VPS52: variants seen among roughly 807,000 people sequenced by gnomAD.
VPS52 encodes vacuolar protein sorting-associated protein 52 homolog.
VPS52 carries 56 observed loss-of-function variants against 98.7 expected under a neutral mutation model. The observed-to-expected ratio is 0.57, with a 90% CI of 0.46 to 0.71. The LOEUF is 0.71. VPS52 is among the 30% of genes least tolerant of loss of function. The probability of loss-of-function intolerance (pLI) is 0.00; values close to 1 mark genes in which losing one functional copy is unlikely to be tolerated. For synonymous variants in VPS52, 348 were observed against 346.4 expected, an observed-to-expected ratio of 1.00 and a Z score of -0.05; for missense variants, 742 against 925.9, an observed-to-expected ratio of 0.80 and a Z score of 2.58.
chr6:33,253,456 C>CTCCA (rs1762554618), intron 17 of VPS52, among the ~76,000 whole-genome samples: 1 of 147,566 alleles, frequency 6.8e-6, no homozygotes, highest in Non-Finnish European at 1.5e-5. Context: ...GGCCATTGCA[C>CTCCA]TCCAGCCTGG....
intron 17 of VPS52, among the ~76,000 whole-genome samples, chr6:33,258,362 G>A (rs535336971): frequency 3.1e-4 from 44 of 141,164 alleles, no homozygotes; most frequent in South Asian, 1.1e-3. Flanking sequence ...CTCCAGCCTC[G>A]GCAACATGAG....
At chr6:33,264,948 G>A in intron 12 of VPS52, 48 bp from the exon 13 acceptor site, 1 of 1,488,574 alleles carries the variant, frequency 6.7e-7, no homozygotes, top group Non-Finnish European at 9.4e-7. Context: ...ATGTCAGTTT[G>A]TTGTCCTCAG....
chr6:33,267,322 G>C lies in VPS52; in HGVS notation c.992-1C>G. On this transcript the variant is annotated splice_acceptor_variant, in intron 10 of 19. Coordinates refer to ENST00000445902, the MANE Select transcript of VPS52 (RefSeq NM_022553.6). LOFTEE classifies it high-confidence loss of function. This position sits in a 1 kb window ranked among gnomAD's most constrained non-coding sequence, Gnocchi z 4.2. The stretch of plus-strand genomic sequence containing the variant: ...CGGAGCGATGGCTTTGAGAAGAATC[G>C]TAAGATGGGTCAGAGTCAGGGAAAA... The C allele has an allele frequency of 1.9e-6, 3 of 1,577,280 alleles. No individual in the cohort carries two copies. The highest frequency in any genetic ancestry group is 2.3e-5 in the East Asian group (1 of 44,222).
In VPS52 at chr6:33,268,098, G is replaced by C. The variant is rs1391885357; in HGVS notation, c.800+10C>G. 1 of 1,612,928 alleles carries C rather than the reference G, an allele frequency of 6.2e-7. No individual in the cohort carries two copies. The highest frequency in any genetic ancestry group is 8.5e-7 in the Non-Finnish European group (1 of 1,180,026). ...AAAGGCCATCCCATGCACTTCCTTG[G>C]GGTTGTGACCTGTACTTCAGCAGGG... is the stretch of plus-strand genomic sequence containing the variant. On this transcript the variant is annotated intron_variant, in intron 8 of 19. Coordinates refer to ENST00000445902, the MANE Select transcript of VPS52 (RefSeq NM_022553.6). This position sits in a 1 kb window ranked among gnomAD's most constrained non-coding sequence, Gnocchi z 4.0.
intron 17 of VPS52, among the ~76,000 whole-genome samples, chr6:33,253,088 ACTC>A (rs1762496457): frequency 6.6e-6 from 1 of 152,202 alleles, no homozygotes; most frequent in Non-Finnish European, 1.5e-5. Flanking sequence ...TGACTCAATA[ACTC>A]AGTTTCTTCC....
chr6:33,256,063 A>G (rs1276395074), intron 17 of VPS52, among the ~76,000 whole-genome samples: 1 of 152,210 alleles, frequency 6.6e-6, no homozygotes, highest in Non-Finnish European at 1.5e-5. Flanking sequence ...AAGATGTTAA[A>G]GACAAAAAAC....
Position 33,268,250 on chromosome 6 carries a change from C to T in VPS52, c.700-42G>A. ...AAACACAGGGCATGAAGCTGCAACC[C>T]TTTTGCTGTATGAGAGGAACTGGGG... On this transcript the variant is annotated intron_variant, in intron 7 of 19. Coordinates refer to ENST00000445902, the MANE Select transcript of VPS52 (RefSeq NM_022553.6). The surrounding 1 kb of genome is among the most constrained non-coding windows in gnomAD (Gnocchi z 4.0). 6.2e-7 allele frequency: 1 copy of T among 1,600,502 alleles called. No homozygotes were observed. Among genetic ancestry groups the T allele is most frequent in the Non-Finnish European group, 8.6e-7 (1 of 1,169,010 alleles).
intron 17 of VPS52, among the ~76,000 whole-genome samples, chr6:33,260,398 T>C (rs2150820495): frequency 6.6e-6 from 1 of 152,038 alleles, no homozygotes; most frequent in East Asian, 1.9e-4. Context: ...TTGCCTTGTC[T>C]CATCAGTGTT....
In VPS52 at chr6:33,268,662, G is replaced by A; in HGVS notation, c.549-13C>T. On this transcript the variant is annotated splice_polypyrimidine_tract_variant and intron_variant, in intron 6 of 19. Coordinates refer to ENST00000445902, the MANE Select transcript of VPS52 (RefSeq NM_022553.6). This position sits in a 1 kb window ranked among gnomAD's most constrained non-coding sequence, Gnocchi z 4.0. ...CTCCAGAATTGCCCTGGTTAGCAGG[G>A]AGGGGTGGGATGAGTTACAAGGGAG... 6.3e-7 allele frequency: 1 copy of A among 1,590,348 alleles called. No homozygotes were observed. Among genetic ancestry groups the A allele is most frequent in the African/African-American group, 1.3e-5 (1 of 74,580 alleles).
Position 33,267,458 on chromosome 6 carries a change from C to G in VPS52, c.992-137G>C. ...GTACTAGGGCCCCACGTGCTGACAT[C>G]TGTGAATGGGCTTCAGGGTGTCTCT... On this transcript the variant is annotated intron_variant, in intron 10 of 19. Coordinates refer to ENST00000445902, the MANE Select transcript of VPS52 (RefSeq NM_022553.6). This position sits in a 1 kb window ranked among gnomAD's most constrained non-coding sequence, Gnocchi z 4.2. 7.2e-7 allele frequency: 1 copy of G among 1,380,474 alleles called. No individual in the cohort carries two copies. Among genetic ancestry groups the G allele is most frequent in the Non-Finnish European group, 9.8e-7 (1 of 1,019,810 alleles). The allele number at this position is 1,380,474 out of a possible 1,614,324, so 85.5% of individuals were successfully genotyped here.
chr6:33,251,256 C>A (rs1762197982), intron 19 of VPS52, among the ~76,000 whole-genome samples: 1 of 151,852 alleles, frequency 6.6e-6, no homozygotes, highest in Admixed American at 6.6e-5. Flanking sequence ...GCAGGAAAAT[C>A]ACTTGAACCT....
At chr6:33,261,324 C>A (rs905196695) in intron 17 of VPS52, among the ~76,000 whole-genome samples, 4 of 151,548 alleles carry the variant, frequency 2.6e-5, no homozygotes, top group African/African-American at 9.7e-5. Flanking sequence ...AAAACTAGCC[C>A]GGCGTGGTGG....
Position 33,267,640 on chromosome 6 carries a change from A to G in VPS52, c.991+42T>C. On this transcript the variant is annotated intron_variant, in intron 10 of 19. Coordinates refer to ENST00000445902, the MANE Select transcript of VPS52 (RefSeq NM_022553.6). The surrounding 1 kb of genome is among the most constrained non-coding windows in gnomAD (Gnocchi z 4.2). ...GGTGGCTGGAGTCGAAAGTCCTCCC[A>G]CTCTCAAGGCCTGGCATGAGGGTTC... 2 of 1,610,402 alleles carry G rather than the reference A, an allele frequency of 1.2e-6. No individual in the cohort carries two copies. Among genetic ancestry groups the G allele is most frequent in the East Asian group, 2.2e-5 (1 of 44,868 alleles).
intron 1 of VPS52, 176 bp downstream of exon 1, chr6:33,271,410 C>T (rs1260884819): frequency 4.4e-6 from 4 of 916,872 alleles, no homozygotes; most frequent in Non-Finnish European, 7.0e-6. Flanking sequence ...ACATGAGTTT[C>T]AGCCACTAGG....
rs770838835 is a variant in VPS52 at position 33,268,576 on chromosome 6, C to T, written c.622G>A (p.Ala208Thr). Reference sequence around the variant, plus strand: ...CCTCTAGCTTCCTGCTCTCTGACTGCGGCTGCCTTGGCATCCAGCTCCTGT... The same window carrying T: ...CCTCTAGCTTCCTGCTCTCTGACTGTGGCTGCCTTGGCATCCAGCTCCTGT... ...QLQELDAKAA[A>T]VREQEARGTA... Residue 208 changes from alanine to threonine, a missense_variant, in exon 7 of 20, where the codon GCA becomes ACA. This residue lies in a region of VPS52 where 590 missense variants were observed against 793.3 expected (regional missense o/e 0.74). Coordinates refer to ENST00000445902, the MANE Select transcript of VPS52 (RefSeq NM_022553.6). This position sits in a 1 kb window ranked among gnomAD's most constrained non-coding sequence, Gnocchi z 4.0. 24 of 1,612,170 alleles carry T rather than the reference C, an allele frequency of 1.5e-5. No individual in the cohort carries two copies. Among genetic ancestry groups the T allele is most frequent in the Admixed American group, 1.2e-4 (7 of 59,994 alleles).
At chr6:33,259,151 A>G (rs1208785297) in intron 17 of VPS52, among the ~76,000 whole-genome samples, 1 of 152,178 alleles carries the variant, frequency 6.6e-6, no homozygotes. Context: ...TTATTCAGTA[A>G]AGATTAATTG....
intron 17 of VPS52, among the ~76,000 whole-genome samples, chr6:33,261,307 A>C (rs1005486279): frequency 6.6e-6 from 1 of 151,948 alleles, no homozygotes; most frequent in Non-Finnish European, 1.5e-5. Context: ...TCTCTACTAA[A>C]AACACAAAAA....
rs146785643 is a variant in VPS52, at chr6:33,264,868, G to A, written c.1314C>T (p.Tyr438=). Residue 438 remains tyrosine (Y), a synonymous_variant, in exon 13 of 20, where the codon TAC becomes TAT. Coordinates refer to ENST00000445902, the MANE Select transcript of VPS52 (RefSeq NM_022553.6). The part of the protein sequence containing the change: ...KHLDSYLADC[Y]DAIAVFLCIH... ...TACAGAGAAAAACAGCAATGGCATC[G>A]TAGCAGTCAGCTAGATAAGAATCCA... The A allele has an allele frequency of 3.0e-5, 49 of 1,612,912 alleles. 1 individual carries two copies. The highest frequency in any genetic ancestry group is 2.5e-4 in the African/African-American group (19 of 74,886).
chr6:33,269,409 G>C, intron 5 of VPS52, 81 bp downstream of exon 5: 1 of 1,576,930 alleles, frequency 6.3e-7, no homozygotes, highest in Non-Finnish European at 8.7e-7. Context: ...CCCATCTTGA[G>C]GCTGATGACC....
Sources: allele counts gnomAD v4.1 joint callset (sites outside exome capture counted in the v4.1 genomes callset), GRCh38; gene constraint gnomAD v4.1.1; regional missense constraint gnomAD v4.1.1; non-coding constraint Gnocchi (gnomAD v3.1); transcripts MANE v1.5; gene names NCBI Gene and HGNC (gene_info 2026-07-23, HGNC 2026-07-21).